TSPAN5: variants seen among roughly 807,000 people sequenced by gnomAD.
TSPAN5 encodes the protein tetraspanin-5.
TSPAN5 carries 10 observed loss-of-function variants against 37.1 expected under a neutral mutation model. The observed-to-expected ratio is 0.27, with a 90% CI of 0.17 to 0.46. TSPAN5 has a LOEUF of 0.46. Among genes scored for constraint, TSPAN5 ranks in the 20% least tolerant of loss-of-function variants. The probability of loss-of-function intolerance (pLI) is 1.00; values close to 1 mark genes in which losing one functional copy is unlikely to be tolerated. For synonymous variants in TSPAN5, 110 were observed against 118.9 expected (o/e 0.93, Z 0.48); for missense variants, 195 against 326.6 (o/e 0.60, Z 3.11).
At chr4:98,621,993 A>G (rs988299774) in intron 1 of TSPAN5, among the ~76,000 whole-genome samples, 1 of 152,148 alleles carries the variant, frequency 6.6e-6, no homozygotes, top group Non-Finnish European at 1.5e-5. Flanking sequence ...TGGGTATACC[A>G]CAATTTGTTT....
Position 98,482,144 on chromosome 4 carries a change from AG to A in TSPAN5, c.310del (p.Leu104TrpfsTer8). On this transcript the variant is annotated frameshift_variant, in exon 4 of 8. Transcript: ENST00000305798. LOFTEE classifies it high-confidence loss of function. ...TGCTAGAACTCCGGCAGTGAGCTCC[AG>A]GAAGAAAATAATTCCCAGGAACACA... ...FSVFLGIIFF[L>X]ELTAGVLAFV... 1 of 1,614,108 alleles carries A rather than the reference AG, an allele frequency of 6.2e-7. No individual in the cohort carries two copies. The highest frequency in any genetic ancestry group is 8.5e-7 in the Non-Finnish European group (1 of 1,179,996).
chr4:98,645,049 G>A (rs1757033472), intron 1 of TSPAN5, among the ~76,000 whole-genome samples: 1 of 152,210 alleles, frequency 6.6e-6, no homozygotes, highest in South Asian at 2.1e-4. Context: ...ATTCCCTGGT[G>A]ACTTGGGGTA....
chr4:98,603,305 A>T (rs1227430513), intron 1 of TSPAN5, among the ~76,000 whole-genome samples: 1 of 152,134 alleles, frequency 6.6e-6, no homozygotes, highest in Middle Eastern at 3.2e-3. Context: ...AAATACAGAC[A>T]TCCTTTGCTG....
chr4:98,612,830 C>G (rs991545025), intron 1 of TSPAN5, among the ~76,000 whole-genome samples: 2 of 152,246 alleles, frequency 1.3e-5, no homozygotes, highest in South Asian at 2.1e-4. Context: ...TCCCTCCCCC[C>G]ACAGGGCTAA....
intron 1 of TSPAN5, among the ~76,000 whole-genome samples, chr4:98,636,716 C>T (rs1010922227): frequency 5.3e-5 from 8 of 152,214 alleles, no homozygotes; most frequent in African/African-American, 1.9e-4. Flanking sequence ...GCAGCTTCTT[C>T]ATCTGGATGA....
chr4:98,516,149 G>C (rs536219903), intron 1 of TSPAN5, among the ~76,000 whole-genome samples: 20 of 152,152 alleles, frequency 1.3e-4, no homozygotes, highest in Non-Finnish European at 2.8e-4. Flanking sequence ...CCCCCTTTCT[G>C]AAAACTGGCC....
intron 1 of TSPAN5, among the ~76,000 whole-genome samples, chr4:98,511,130 G>A (rs1403691908): frequency 6.6e-6 from 1 of 152,036 alleles, no homozygotes; most frequent in African/African-American, 2.4e-5. Context: ...TATATCTGAG[G>A]CATCTTATCT....
chr4:98,658,273 C>T lies in TSPAN5; in HGVS notation c.-47G>A, dbSNP rs745699387. The T allele has an allele frequency of 1.3e-6, 2 of 1,492,838 alleles. No homozygotes were observed. The highest frequency in any genetic ancestry group is 1.9e-6 in the Non-Finnish European group (2 of 1,069,680). 92.5% of individuals were successfully genotyped at this position (1,492,838 alleles called of 1,614,324 possible). On this transcript the variant is annotated 5_prime_UTR_variant, in exon 1 of 8. Transcript: ENST00000305798. ...TTGCCCCGGCAGCCCGAGTTTGGAG[C>T]TCCGAAGCACCGTTGCTCGGAGCAG...
chr4:98,604,460 G>C (rs1464527912), intron 1 of TSPAN5, among the ~76,000 whole-genome samples: 1 of 152,184 alleles, frequency 6.6e-6, no homozygotes, highest in Admixed American at 6.5e-5. Context: ...AACTGAATTG[G>C]TGAGATGAAT....
chr4:98,655,217 T>A (rs1757271367), intron 1 of TSPAN5, among the ~76,000 whole-genome samples: 1 of 152,116 alleles, frequency 6.6e-6, no homozygotes, highest in Non-Finnish European at 1.5e-5. Context: ...GAGGAAGAAA[T>A]GAAAGTAATA....
At chr4:98,609,361 G>A (rs1384109601) in intron 1 of TSPAN5, among the ~76,000 whole-genome samples, 1 of 152,158 alleles carries the variant, frequency 6.6e-6, no homozygotes, top group Admixed American at 6.5e-5. Context: ...CCGACCACTG[G>A]CTGGGGGAGA....
intron 1 of TSPAN5, among the ~76,000 whole-genome samples, chr4:98,590,050 T>C (rs1322271737): frequency 6.6e-6 from 1 of 152,144 alleles, no homozygotes; most frequent in Non-Finnish European, 1.5e-5. Context: ...GTCACATCAC[T>C]GCATATCACA....
intron 1 of TSPAN5, among the ~76,000 whole-genome samples, chr4:98,526,399 C>T (rs191400881): frequency 3.9e-5 from 6 of 152,292 alleles, no homozygotes; most frequent in East Asian, 3.9e-4. Flanking sequence ...TCTAATTCTA[C>T]GGCTTTCAAA....
intron 2 of TSPAN5, among the ~76,000 whole-genome samples, chr4:98,505,308 C>T (rs1460867726): frequency 6.6e-6 from 1 of 152,158 alleles, no homozygotes; most frequent in Non-Finnish European, 1.5e-5. Flanking sequence ...AAACTTCTTG[C>T]AGGACTCTGC....
intron 1 of TSPAN5, among the ~76,000 whole-genome samples, chr4:98,518,296 C>T (rs1288508551): frequency 6.6e-6 from 1 of 152,116 alleles, no homozygotes; most frequent in East Asian, 1.9e-4. Context: ...TATCATTCAA[C>T]TTATTTAATG....
intron 1 of TSPAN5, among the ~76,000 whole-genome samples, chr4:98,638,007 CCTT>C (rs1481362236): frequency 1.3e-5 from 2 of 152,214 alleles, no homozygotes; most frequent in Admixed American, 6.5e-5. Context: ...TCTTCCTGCT[CCTT>C]CTTAACTCTG....
At chr4:98,570,822 T>G (rs1275286483) in intron 1 of TSPAN5, among the ~76,000 whole-genome samples, 1 of 152,078 alleles carries the variant, frequency 6.6e-6, no homozygotes, top group Non-Finnish European at 1.5e-5. Context: ...ACCCCACTTA[T>G]GTCCACATCG....
intron 1 of TSPAN5, among the ~76,000 whole-genome samples, chr4:98,627,640 T>C (rs1178685028): frequency 2.0e-5 from 3 of 152,146 alleles, no homozygotes; most frequent in African/African-American, 7.2e-5. Flanking sequence ...TAAATGCAAA[T>C]AAACCCCCTG....
Position 98,574,410 on chromosome 4 carries a change from C to T in TSPAN5, c.82-66682G>A, listed in dbSNP as rs141223206. The T allele has an allele frequency of 5.9e-5, 9 of 152,324 alleles. No homozygotes were observed. In the East Asian group the frequency reaches 1.2e-3, roughly 20 times the overall value. 9.4% of individuals were successfully genotyped at this position (152,324 alleles called of 1,614,324 possible). ...AGCCTAATTCTTACAGGATATTTAA[C>T]AGTTATCCCTCAGAGATCTTGAGCA... On this transcript the variant is annotated intron_variant, in intron 1 of 7. Transcript: ENST00000305798.
Sources: gnomAD v4.1 joint callset for allele counts (sites outside exome capture counted in the v4.1 genomes callset) on GRCh38, gnomAD v4.1.1 for gene constraint, MANE v1.5 for transcripts, NCBI Gene and HGNC (gene_info 2026-07-23, HGNC 2026-07-21) for gene names.